The following BMPR1B variants were observed in gnomAD, a reference collection of about 807,000 sequenced individuals.
BMPR1B encodes the protein bone morphogenetic protein receptor type 1B.
Under a neutral mutation model 59.1 loss-of-function variants are expected in BMPR1B, and 12 were observed. The ratio of observed to expected loss-of-function variants is 0.20; its 90% CI spans 0.13 to 0.33. The LOEUF (loss-of-function observed/expected upper bound fraction) is 0.33. Ranked by LOEUF, BMPR1B falls within the 10% of genes least tolerant of loss-of-function variation. The pLI is 1.00. For synonymous variants in BMPR1B, 237 were observed against 207.3 expected (o/e 1.14, Z -1.23); for missense variants, 550 against 610.9 (o/e 0.90, Z 1.05).
chr4:95,115,635 CT>C, intron 5 of BMPR1B, 49 bp from the exon 6 acceptor site: 1 of 1,492,562 alleles, frequency 6.7e-7, no homozygotes, highest in Non-Finnish European at 9.3e-7. Context: ...GATGATTTGA[CT>C]TTGAAATTTG....
At chr4:94,916,839 G>C (rs1728501099) in intron 2 of BMPR1B, among the ~76,000 whole-genome samples, 1 of 152,222 alleles carries the variant, frequency 6.6e-6, no homozygotes, top group Admixed American at 6.5e-5. Flanking sequence ...AGAGACCTTA[G>C]CCCCAGCCCT....
intron 3 of BMPR1B, among the ~76,000 whole-genome samples, chr4:95,020,358 T>C (rs563461014): frequency 2.6e-5 from 4 of 152,230 alleles, no homozygotes; most frequent in Admixed American, 6.5e-5. Context: ...GGCGGGCAGA[T>C]CACGAGGTCA....
At chr4:94,930,392 A>T (rs1729054302) in intron 2 of BMPR1B, among the ~76,000 whole-genome samples, 1 of 152,082 alleles carries the variant, frequency 6.6e-6, no homozygotes, top group Admixed American at 6.6e-5. Context: ...CTGGTATTTC[A>T]GGTGAGCTCT....
At chr4:95,053,432 T>C (rs532845334) in intron 3 of BMPR1B, among the ~76,000 whole-genome samples, 1 of 152,102 alleles carries the variant, frequency 6.6e-6, no homozygotes, top group South Asian at 2.1e-4. Context: ...ACTCACTAGT[T>C]GTATGAACTC....
chr4:94,884,944 C>G (rs1221506211), intron 2 of BMPR1B, among the ~76,000 whole-genome samples: 1 of 152,206 alleles, frequency 6.6e-6, no homozygotes, highest in Non-Finnish European at 1.5e-5. Flanking sequence ...CTTCTGTTCC[C>G]TTTGGAACTC....
At chr4:94,849,291 C>G (rs1379628126) in intron 1 of BMPR1B, among the ~76,000 whole-genome samples, 2 of 152,228 alleles carry the variant, frequency 1.3e-5, no homozygotes, top group Non-Finnish European at 2.9e-5. Flanking sequence ...AATTGATAAC[C>G]TCAGTTAAGT....
At chr4:95,084,357 A>C (rs1729407894) in intron 3 of BMPR1B, among the ~76,000 whole-genome samples, 1 of 80,996 alleles carries the variant, frequency 1.2e-5, no homozygotes, top group East Asian at 2.5e-4. Context: ...GTGTGTGTGT[A>C]TATATATGTG....
intron 2 of BMPR1B, among the ~76,000 whole-genome samples, chr4:94,877,478 A>C (rs983347382): frequency 4.6e-5 from 7 of 152,202 alleles, no homozygotes; most frequent in African/African-American, 1.2e-4. Context: ...AACTGAAGTA[A>C]ATCGGAAAGC....
intron 2 of BMPR1B, among the ~76,000 whole-genome samples, chr4:94,963,365 A>G (rs34340033): frequency 0.24 from 35,895 of 151,888 alleles, 4,350 homozygotes; most frequent in South Asian, 0.34. Context: ...CCACTTACCT[A>G]TTTAGCTTTG....
intron 10 of BMPR1B, among the ~76,000 whole-genome samples, chr4:95,135,989 G>A (rs1166270801): frequency 1.3e-5 from 2 of 152,070 alleles, no homozygotes; most frequent in East Asian, 1.9e-4. Flanking sequence ...GTATGATATT[G>A]GCCATGGGTT....
intron 1 of BMPR1B, among the ~76,000 whole-genome samples, chr4:94,871,658 AT>A (rs1485949696): frequency 6.6e-6 from 1 of 152,242 alleles, no homozygotes; most frequent in African/African-American, 2.4e-5. Context: ...ATACTAGAGA[AT>A]AAGATCTTCA....
chr4:94,973,714 T>G (rs1343474793), intron 2 of BMPR1B, among the ~76,000 whole-genome samples: 1 of 152,198 alleles, frequency 6.6e-6, no homozygotes, highest in East Asian at 1.9e-4. Flanking sequence ...GGGGTTTCGC[T>G]GCCCTTTCTG....
At position 95,155,475 on chromosome 4, in the gene BMPR1B, C is replaced by CTTTTTTT. The variant is rs548956012; in HGVS notation, c.*828_*834dup. On this transcript the variant is annotated 3_prime_UTR_variant, in exon 13 of 13. Transcript: ENST00000515059. The stretch of plus-strand genomic sequence containing the variant: ...CCCTTTTCATTAAACACAAAGAAAG[C>CTTTTTTT]TTTTTTTTTTTTTTTTTTTTTTTTT... 9.5e-4 allele frequency: 61 copies of CTTTTTTT among 64,308 alleles called. 2 individuals are homozygous for CTTTTTTT. The highest frequency in any genetic ancestry group is 2.8e-3 in the African/African-American group (42 of 14,840). 4.0% of individuals were successfully genotyped at this position (64,308 alleles called of 1,614,324 possible).
intron 10 of BMPR1B, among the ~76,000 whole-genome samples, chr4:95,141,830 A>G (rs1734250654): frequency 6.6e-6 from 1 of 152,192 alleles, no homozygotes; most frequent in African/African-American, 2.4e-5. Context: ...AATAAAGACT[A>G]GGCTGTCACA....
intron 3 of BMPR1B, among the ~76,000 whole-genome samples, chr4:95,040,420 T>G (rs1158293327): frequency 6.6e-6 from 1 of 152,240 alleles, no homozygotes. Flanking sequence ...TACATAAATT[T>G]TATGCACAAT....
intron 2 of BMPR1B, among the ~76,000 whole-genome samples, chr4:94,876,876 T>A (rs931392450): frequency 6.6e-6 from 1 of 152,224 alleles, no homozygotes; most frequent in Non-Finnish European, 1.5e-5. Context: ...TTTAAATCCT[T>A]ATAAATCTAC....
At chr4:94,823,831 T>C (rs10029723) in intron 1 of BMPR1B, among the ~76,000 whole-genome samples, 119,140 of 151,770 alleles carry the variant, frequency 0.79, 47,064 homozygotes, top group East Asian at 0.91. Context: ...CACTGCAAGC[T>C]CCGTCTCCTT....
At chr4:94,858,281 A>T (rs1489610596) in intron 1 of BMPR1B, among the ~76,000 whole-genome samples, 1 of 152,206 alleles carries the variant, frequency 6.6e-6, no homozygotes, top group Non-Finnish European at 1.5e-5. Flanking sequence ...TGATCACTGA[A>T]TAGAATTGTT....
intron 1 of BMPR1B, among the ~76,000 whole-genome samples, chr4:94,773,030 G>C (rs912549837): frequency 6.6e-6 from 1 of 151,890 alleles, no homozygotes; most frequent in Non-Finnish European, 1.5e-5. Flanking sequence ...ATAATTTTTC[G>C]TTTGTAATTT....
Sources: gnomAD v4.1 joint callset for allele counts (sites outside exome capture counted in the v4.1 genomes callset) on GRCh38, gnomAD v4.1.1 for gene constraint, MANE v1.5 for transcripts, NCBI Gene and HGNC (gene_info 2026-07-23, HGNC 2026-07-21) for gene names.